Variants in NAALADL2 observed in about 807,000 individuals in gnomAD.
The protein encoded by NAALADL2 is inactive N-acetylated-alpha-linked acidic dipeptidase-like protein 2.
Under a neutral mutation model 87.2 loss-of-function variants are expected in NAALADL2, and 76 were observed. That is an observed-to-expected ratio of 0.87 (90% CI 0.72 to 1.05). The LOEUF (loss-of-function observed/expected upper bound fraction) is 1.05, where lower values mean the gene tolerates loss of function less well. Ranked by LOEUF, NAALADL2 falls within the 50% of genes least tolerant of loss-of-function variation. The pLI, the probability that NAALADL2 is intolerant of heterozygous loss-of-function variation, is 0.00. For synonymous variants in NAALADL2, 354 were observed against 331.0 expected (o/e 1.07, Z -0.75); for missense variants, 1,089 against 945.8 (o/e 1.15, Z -1.99).
intron 5 of NAALADL2, among the ~76,000 whole-genome samples, chr3:175,417,117 GAAAA>G (rs11424007): frequency 1.6e-5 from 2 of 125,502 alleles, no homozygotes; most frequent in Admixed American, 1.6e-4. Flanking sequence ...GAAGAGAAAA[GAAAA>G]AAAAAAAAAA....
chr3:175,264,566 G>A (rs1302025696), intron 4 of NAALADL2, among the ~76,000 whole-genome samples: 5 of 151,700 alleles, frequency 3.3e-5, no homozygotes, highest in Admixed American at 2.6e-4. Flanking sequence ...GCTTTGTAGC[G>A]TAATTTGATC....
intron 9 of NAALADL2, among the ~76,000 whole-genome samples, chr3:175,497,222 C>T (rs572191403): frequency 7.2e-5 from 11 of 152,214 alleles, no homozygotes; most frequent in Middle Eastern, 6.8e-3. Flanking sequence ...CTTACAGGCA[C>T]CTGCCACCAC....
intron 1 of NAALADL2, among the ~76,000 whole-genome samples, chr3:175,038,406 T>G (rs1235868225): frequency 1.3e-5 from 2 of 152,176 alleles, no homozygotes; most frequent in Non-Finnish European, 2.9e-5. Context: ...AACCACAAGA[T>G]TATGACCAAC....
chr3:175,216,194 C>A (rs1269773042), intron 2 of NAALADL2, among the ~76,000 whole-genome samples: 1 of 152,082 alleles, frequency 6.6e-6, no homozygotes, highest in Non-Finnish European at 1.5e-5. Flanking sequence ...AAAAAGATGA[C>A]CAATTTTGAA....
At chr3:174,789,806 A>G (rs1001072004) in intron 3 of NAALADL2, among the ~76,000 whole-genome samples, 1 of 152,186 alleles carries the variant, frequency 6.6e-6, no homozygotes, top group Non-Finnish European at 1.5e-5. Context: ...TAAACCATGG[A>G]ATCTGTCACT....
chr3:175,085,415 T>C (rs747782007), intron 1 of NAALADL2, among the ~76,000 whole-genome samples: 24 of 152,222 alleles, frequency 1.6e-4, no homozygotes, highest in Non-Finnish European at 2.8e-4. Flanking sequence ...TTTATTGTTA[T>C]CATAATTTTT....
At chr3:174,910,190 G>A (rs896111932) in intron 1 of NAALADL2, among the ~76,000 whole-genome samples, 2 of 151,712 alleles carry the variant, frequency 1.3e-5, no homozygotes, top group Non-Finnish European at 2.9e-5. Context: ...CATAGAGATC[G>A]TCAGAAGGTT....
At chr3:175,207,388 C>T (rs1253647698) in intron 2 of NAALADL2, among the ~76,000 whole-genome samples, 1 of 151,960 alleles carries the variant, frequency 6.6e-6, no homozygotes, top group African/African-American at 2.4e-5. Context: ...TACCAAATAT[C>T]ATATTAAAAG....
At chr3:175,614,649 A>G (rs1364395631) in intron 10 of NAALADL2, among the ~76,000 whole-genome samples, 1 of 152,196 alleles carries the variant, frequency 6.6e-6, no homozygotes, top group Non-Finnish European at 1.5e-5. Context: ...TTTTGAAGTC[A>G]TGAAACTGCC....
intron 2 of NAALADL2, among the ~76,000 whole-genome samples, chr3:174,704,709 C>T (rs1454329106): frequency 2.0e-5 from 3 of 151,748 alleles, no homozygotes; most frequent in Non-Finnish European, 2.9e-5. Flanking sequence ...AAAAACTTCC[C>T]AAGGTATGGG....
chr3:175,354,881 T>TATACACACACAC (rs1553872126), intron 5 of NAALADL2, among the ~76,000 whole-genome samples: 4 of 146,934 alleles, frequency 2.7e-5, no homozygotes, highest in African/African-American at 1.0e-4. Context: ...TACATATATA[T>TATACACACACAC]ACACACACAC....
intron 11 of NAALADL2, among the ~76,000 whole-genome samples, chr3:175,638,221 T>C (rs768486600): frequency 3.9e-5 from 6 of 152,186 alleles, no homozygotes; most frequent in Non-Finnish European, 8.8e-5. Context: ...CGTAGAGATA[T>C]TTATTCGATC....
intron 1 of NAALADL2, among the ~76,000 whole-genome samples, chr3:174,449,788 C>T (rs79066392): frequency 0.08 from 12,161 of 152,082 alleles, 620 homozygotes; most frequent in Middle Eastern, 0.12. Flanking sequence ...TAGTCATAGC[C>T]ACTTTTTCAT....
chr3:175,137,906 G>T (rs918378086), intron 2 of NAALADL2, among the ~76,000 whole-genome samples: 47 of 152,082 alleles, frequency 3.1e-4, no homozygotes, highest in South Asian at 4.2e-4. Context: ...TTACAGGCTT[G>T]AGCCACCACA....
At chr3:174,857,370 T>C (rs1414631965), upstream of NAALADL2, among the ~76,000 whole-genome samples, 2 of 152,184 alleles carry the variant, frequency 1.3e-5, no homozygotes, top group Admixed American at 6.6e-5. Context: ...AAGACCTTTC[T>C]GGTGTTTATA....
chr3:174,857,125 A>G (rs1725936974), upstream of NAALADL2, among the ~76,000 whole-genome samples: 1 of 152,152 alleles, frequency 6.6e-6, no homozygotes, highest in Non-Finnish European at 1.5e-5. Flanking sequence ...CTCAGACTGA[A>G]TTCAACAAGA....
intron 2 of NAALADL2, among the ~76,000 whole-genome samples, chr3:175,161,600 G>T (rs904998420): frequency 6.6e-6 from 1 of 152,114 alleles, no homozygotes. Context: ...TGTTTTCCAC[G>T]AACTGTAAAT....
intron 4 of NAALADL2, among the ~76,000 whole-genome samples, chr3:175,312,789 A>G (rs1758549605): frequency 6.6e-6 from 1 of 152,200 alleles, no homozygotes; most frequent in Non-Finnish European, 1.5e-5. Flanking sequence ...GTAAAAATCA[A>G]CAAATAAGAG....
chr3:175,111,885 C>A (rs1724252479), intron 2 of NAALADL2, among the ~76,000 whole-genome samples: 1 of 151,572 alleles, frequency 6.6e-6, no homozygotes, highest in Non-Finnish European at 1.5e-5. Flanking sequence ...AGCAACACAA[C>A]CAATTTGGAA....
Sources: allele counts gnomAD v4.1 joint callset (sites outside exome capture counted in the v4.1 genomes callset), GRCh38; gene constraint gnomAD v4.1.1; transcripts MANE v1.5; gene names NCBI Gene and HGNC (gene_info 2026-07-23, HGNC 2026-07-21).